FAM20B: variants seen among roughly 807,000 people sequenced by gnomAD.
The protein encoded by FAM20B is glycosaminoglycan xylosylkinase.
In FAM20B, 23 loss-of-function variants were observed where a neutral mutation model predicts 43.8. The ratio of observed to expected loss-of-function variants is 0.53; its 90% confidence interval spans 0.38 to 0.74. FAM20B has a LOEUF of 0.74. FAM20B is among the 30% of genes least tolerant of loss of function. The pLI is 0.00. For synonymous variants in FAM20B, 178 were observed against 192.4 expected (o/e 0.93, Z 0.62); for missense variants, 440 against 510.5 (o/e 0.86, Z 1.33).
At chr1:179,020,454 C>T in the FAM20B span, among the ~76,000 whole-genome samples, 1 of 152,170 alleles carries the variant, frequency 6.6e-6, no homozygotes, top group Non-Finnish European at 1.5e-5. Flanking sequence ...GCAGGATGAG[C>T]GCTTGGAGAG....
chr1:179,019,303 T>C, the FAM20B span, among the ~76,000 whole-genome samples: 5 of 152,178 alleles, frequency 3.3e-5, no homozygotes, highest in East Asian at 5.8e-4. Flanking sequence ...AGGAGATGGA[T>C]TGAGAACTCT....
At chr1:179,034,321 A>G (rs1403069084) in intron 1 of FAM20B, among the ~76,000 whole-genome samples, 1 of 152,140 alleles carries the variant, frequency 6.6e-6, no homozygotes, top group African/African-American at 2.4e-5. Context: ...ACAACATTCT[A>G]TTGTCAAAAC....
At chr1:179,020,909 A>G (rs1649593353), upstream of FAM20B, among the ~76,000 whole-genome samples, 1 of 152,168 alleles carries the variant, frequency 6.6e-6, no homozygotes, top group African/African-American at 2.4e-5. Flanking sequence ...CATCTCTACT[A>G]AAAATACAAA....
At chr1:179,040,555 C>T (rs1650453910) in intron 1 of FAM20B, among the ~76,000 whole-genome samples, 1 of 136,768 alleles carries the variant, frequency 7.3e-6, no homozygotes, top group Non-Finnish European at 1.6e-5. Flanking sequence ...CCCTACCTCC[C>T]TCCAGGACGG....
the FAM20B span, among the ~76,000 whole-genome samples, chr1:179,019,420 G>A: frequency 6.6e-6 from 1 of 151,738 alleles, no homozygotes; most frequent in East Asian, 1.9e-4. Context: ...GTCACATTAA[G>A]TGAGACCCTT....
chr1:179,019,441 TG>T, the FAM20B span, among the ~76,000 whole-genome samples: 1 of 146,332 alleles, frequency 6.8e-6, no homozygotes, highest in Non-Finnish European at 1.5e-5. Flanking sequence ...TCTTTCTTTC[TG>T]GTTTTTTTTT....
intron 7 of FAM20B, among the ~76,000 whole-genome samples, chr1:179,068,739 TAAAG>T (rs914670364): frequency 1.3e-5 from 2 of 152,106 alleles, no homozygotes; most frequent in African/African-American, 4.8e-5. Flanking sequence ...CGACCCAATA[TAAAG>T]AATTATTAAA....
chr1:179,022,240 C>G (rs1649615232), upstream of FAM20B, among the ~76,000 whole-genome samples: 1 of 152,196 alleles, frequency 6.6e-6, no homozygotes, highest in Non-Finnish European at 1.5e-5. Context: ...GCAGCTGAGG[C>G]AGGGCACATG....
At chr1:179,018,832 C>T in the FAM20B span, among the ~76,000 whole-genome samples, 4 of 152,182 alleles carry the variant, frequency 2.6e-5, no homozygotes, top group Middle Eastern at 3.4e-3. Context: ...TATTGGCTCA[C>T]GTGAATATGG....
chr1:179,023,192 A>G (rs1649634446), upstream of FAM20B, among the ~76,000 whole-genome samples: 1 of 152,210 alleles, frequency 6.6e-6, no homozygotes, highest in African/African-American at 2.4e-5. Flanking sequence ...CATTGGGGCT[A>G]ATATCCATCC....
intron 1 of FAM20B, among the ~76,000 whole-genome samples, chr1:179,030,302 T>C (rs921491980): frequency 2.8e-5 from 4 of 144,138 alleles, no homozygotes; most frequent in African/African-American, 1.0e-4. Context: ...TAGTTTTCTG[T>C]AAAAAAAAAA....
intron 1 of FAM20B, among the ~76,000 whole-genome samples, chr1:179,033,616 T>G (rs1650097080): frequency 6.6e-6 from 1 of 152,228 alleles, no homozygotes; most frequent in South Asian, 2.1e-4. Flanking sequence ...AGAACAGATG[T>G]GAGAATGTTG....
chr1:179,043,133 AC>A (rs1557870491), intron 1 of FAM20B, among the ~76,000 whole-genome samples: 1 of 152,170 alleles, frequency 6.6e-6, no homozygotes, highest in African/African-American at 2.4e-5. Flanking sequence ...GCAGGCCTAC[AC>A]TGAGCCATCC....
At chr1:179,049,827 C>T (rs959950295) in intron 2 of FAM20B, among the ~76,000 whole-genome samples, 1 of 152,248 alleles carries the variant, frequency 6.6e-6, no homozygotes, top group Non-Finnish European at 1.5e-5. Flanking sequence ...CAGGTGTGAG[C>T]CACCGTGCCT....
rs1034463272 is a variant in FAM20B at position 179,076,430 on chromosome 1, C to T, written c.*4286C>T. The T allele has an allele frequency of 3.3e-5, 5 of 152,562 alleles. No individual in the cohort carries two copies. The highest frequency in any genetic ancestry group is 7.4e-5 in the Non-Finnish European group (5 of 68,026). 9.5% of individuals were successfully genotyped at this position (152,562 alleles called of 1,614,324 possible). On this transcript the variant is annotated 3_prime_UTR_variant, in exon 8 of 8. Transcript: ENST00000263733. ...TCTCTTTTGATCTGCCAAGGATTTC[C>T]TCTCAGAGCTGTTGCACAGACAGAG...
At chr1:179,026,234 T>G (rs1029083902) in intron 1 of FAM20B, 136 bp downstream of exon 1, 24 of 150,518 alleles carry the variant, frequency 1.6e-4, no homozygotes, top group Non-Finnish European at 3.0e-4. Context: ...GCGGGGCGCC[T>G]CCCTGAGGGG....
chr1:179,043,979 G>C lies in FAM20B; in HGVS notation c.132G>C (p.Met44Ile). 1 of 1,614,226 alleles carries C rather than the reference G, an allele frequency of 6.2e-7. No homozygotes were observed. The highest frequency in any genetic ancestry group is 1.1e-5 in the South Asian group (1 of 91,086). Residue 44 changes from methionine to isoleucine, a missense_variant, in exon 2 of 8, where the codon ATG (methionine) becomes ATC (isoleucine). Transcript: ENST00000263733. The part of the protein sequence containing the change: ...NREDQRAFHR[M>I]MTGLRVELAP... Reference sequence around the variant, plus strand: ...AGGACCAGAGGGCCTTTCACCGAATGATGACTGGCTTGCGGGTGGAGCTGG... The same window carrying C: ...AGGACCAGAGGGCCTTTCACCGAATCATGACTGGCTTGCGGGTGGAGCTGG...
At chr1:179,018,577 G>A in the FAM20B span, among the ~76,000 whole-genome samples, 1 of 152,184 alleles carries the variant, frequency 6.6e-6, no homozygotes, top group Non-Finnish European at 1.5e-5. Flanking sequence ...AAAGTGCTAG[G>A]ATTGCAGGCG....
chr1:179,036,323 A>G (rs1185608415), intron 1 of FAM20B, among the ~76,000 whole-genome samples: 1 of 152,072 alleles, frequency 6.6e-6, no homozygotes, highest in East Asian at 1.9e-4. Flanking sequence ...TGCCTTTTTT[A>G]TATTTAACAC....
Sources: allele counts gnomAD v4.1 joint callset (sites outside exome capture counted in the v4.1 genomes callset), GRCh38; gene constraint gnomAD v4.1.1; transcripts MANE v1.5; gene names NCBI Gene and HGNC (gene_info 2026-07-23, HGNC 2026-07-21).